NTM: variants seen among roughly 807,000 people sequenced by gnomAD.
NTM encodes the protein IgLON family member 2.
A neutral mutation model predicts 42.1 loss-of-function variants in NTM; 13 were observed. The observed-to-expected ratio is 0.31, with a 90% CI of 0.20 to 0.49. NTM has a LOEUF of 0.49. NTM is among the 20% of genes least tolerant of loss of function. The pLI, the probability that NTM is intolerant of heterozygous loss-of-function variation, is 0.99. For missense variants in NTM, 373 were observed against 452.8 expected (o/e 0.82, Z 1.60); for synonymous variants, 187 against 179.2 (o/e 1.04, Z -0.35).
At chr11:131,911,240 C>T in intron 1 of NTM, 4 of 1,406,392 alleles carry the variant, frequency 2.8e-6, no homozygotes, top group African/African-American at 1.4e-5. Flanking sequence ...AGGAGGGAGC[C>T]CCCTTTGGCC....
intron 1 of NTM, among the ~76,000 whole-genome samples, chr11:131,732,842 G>A (rs1307558273): frequency 8.6e-5 from 13 of 151,996 alleles, no homozygotes; most frequent in South Asian, 2.1e-4. Flanking sequence ...ACTTTCTCAC[G>A]TGCTTTTGTC....
chr11:131,720,394 G>A (rs1414235196), intron 1 of NTM, among the ~76,000 whole-genome samples: 5 of 152,258 alleles, frequency 3.3e-5, no homozygotes, highest in Admixed American at 3.3e-4. Context: ...TGTATTCTGT[G>A]AGGTTGCCCT....
intron 2 of NTM, among the ~76,000 whole-genome samples, chr11:132,041,290 T>C (rs1231185510): frequency 6.6e-6 from 1 of 151,682 alleles, no homozygotes; most frequent in African/African-American, 2.4e-5. Flanking sequence ...GGGGATATCA[T>C]TTTTGTTCCT....
intron 1 of NTM, among the ~76,000 whole-genome samples, chr11:131,460,980 T>G (rs1423192101): frequency 1.3e-5 from 2 of 152,266 alleles, no homozygotes; most frequent in African/African-American, 4.8e-5. Context: ...ACTGTGATTC[T>G]GAGCTTTCTT....
At chr11:132,317,760 T>G (rs2095469121) in intron 7 of NTM, 1 of 906,410 alleles carries the variant, frequency 1.1e-6, no homozygotes, top group Non-Finnish European at 1.6e-6. Context: ...TCCCCTGCTG[T>G]GCATTACCCG....
At chr11:131,721,035 C>T (rs938976248) in intron 1 of NTM, among the ~76,000 whole-genome samples, 2 of 151,912 alleles carry the variant, frequency 1.3e-5, no homozygotes, top group Non-Finnish European at 2.9e-5. Flanking sequence ...GTTTTACTTT[C>T]CTATGAAAAA....
In NTM at chr11:131,424,600, C is replaced by CTTTCTTTTTTTTTTT. The variant is rs1947878678; in HGVS notation, c.82+53715_82+53716insCTTTTTTTTTTTTTT. 2.1e-3 allele frequency among the ~76,000 whole-genome samples: 116 copies of CTTTCTTTTTTTTTTT among 56,032 alleles called. 2 individuals are homozygous for CTTTCTTTTTTTTTTT. Among genetic ancestry groups the CTTTCTTTTTTTTTTT allele is most frequent in the African/African-American group, 7.4e-3 (102 of 13,752 alleles). 36.8% of individuals were successfully genotyped at this position (56,032 alleles called of 152,430 possible). ...AGTTGTTTTTTATTTCTTTTCTTTT[C>CTTTCTTTTTTTTTTT]TTTTTTTTTTTTTTTTTTGGCGCAA... On this transcript the variant is annotated intron_variant, in intron 1 of 8. Transcript: ENST00000683400.
intron 1 of NTM, among the ~76,000 whole-genome samples, chr11:131,900,669 A>AAGAG (rs917270417): frequency 2.7e-5 from 4 of 150,738 alleles, no homozygotes; most frequent in African/African-American, 9.7e-5. Flanking sequence ...GAGAGAGAGA[A>AAGAG]AGAGAGAGAG....
At chr11:131,658,185 C>G (rs952219734) in intron 1 of NTM, among the ~76,000 whole-genome samples, 8 of 152,178 alleles carry the variant, frequency 5.3e-5, no homozygotes, top group African/African-American at 1.9e-4. Flanking sequence ...ATTCTGTCCA[C>G]CGTACACAGA....
intron 1 of NTM, among the ~76,000 whole-genome samples, chr11:131,555,678 G>A (rs2055311969): frequency 6.6e-6 from 1 of 152,190 alleles, no homozygotes; most frequent in South Asian, 2.1e-4. Flanking sequence ...TTTAGATGGT[G>A]TCTGGGGAGA....
At chr11:131,415,496 T>C (rs1946852825) in intron 1 of NTM, among the ~76,000 whole-genome samples, 1 of 152,164 alleles carries the variant, frequency 6.6e-6, no homozygotes, top group African/African-American at 2.4e-5. Context: ...TTATTAAGCA[T>C]AAACAAAATA....
At chr11:131,761,080 G>A (rs980318216) in intron 1 of NTM, among the ~76,000 whole-genome samples, 1 of 152,116 alleles carries the variant, frequency 6.6e-6, no homozygotes, top group Non-Finnish European at 1.5e-5. Flanking sequence ...GCAGGGCAGG[G>A]GAAGCGGGGA....
intron 1 of NTM, among the ~76,000 whole-genome samples, chr11:131,842,604 C>A (rs781587290): frequency 1.2e-4 from 18 of 152,152 alleles, no homozygotes; most frequent in Non-Finnish European, 2.6e-4. Flanking sequence ...AAATCTTGAA[C>A]TGACCTTTTT....
chr11:131,943,438 G>A (rs1451067773), intron 2 of NTM, among the ~76,000 whole-genome samples: 2 of 152,168 alleles, frequency 1.3e-5, no homozygotes, highest in South Asian at 2.1e-4. Context: ...ACAAACCTTC[G>A]GATGGTTCTA....
chr11:131,505,784 A>G (rs1230760295), intron 1 of NTM, among the ~76,000 whole-genome samples: 2 of 152,168 alleles, frequency 1.3e-5, no homozygotes, highest in Non-Finnish European at 2.9e-5. Flanking sequence ...CCCAGTTGAG[A>G]ACTATCTTCT....
chr11:132,014,344 C>A (rs569533370), intron 2 of NTM, among the ~76,000 whole-genome samples: 2 of 152,176 alleles, frequency 1.3e-5, no homozygotes, highest in East Asian at 1.9e-4. Flanking sequence ...AACAGTGCTG[C>A]GGTAAATGCG....
At chr11:131,685,686 T>A (rs1226827199) in intron 1 of NTM, among the ~76,000 whole-genome samples, 2 of 152,122 alleles carry the variant, frequency 1.3e-5, no homozygotes, top group Non-Finnish European at 2.9e-5. Context: ...TACCTTTTTT[T>A]AAAAAAATCA....
chr11:132,304,078 C>T (rs2094977412), intron 4 of NTM, among the ~76,000 whole-genome samples: 1 of 152,150 alleles, frequency 6.6e-6, no homozygotes, highest in Non-Finnish European at 1.5e-5. Flanking sequence ...CTTCATAGCA[C>T]TTGTGCAAAA....
chr11:131,936,353 T>A (rs2059215105), intron 2 of NTM, among the ~76,000 whole-genome samples: 1 of 152,214 alleles, frequency 6.6e-6, no homozygotes, highest in African/African-American at 2.4e-5. Context: ...GTCCTAAATT[T>A]TGAGAGCCTT....
Sources: allele counts gnomAD v4.1 joint callset (sites outside exome capture counted in the v4.1 genomes callset), GRCh38; gene constraint gnomAD v4.1.1; transcripts MANE v1.5; gene names NCBI Gene and HGNC (gene_info 2026-07-23, HGNC 2026-07-21).